The following ANO1 variants were observed in gnomAD, a reference collection of about 807,000 sequenced individuals.
ANO1 encodes the protein anoctamin-1.
ANO1 carries 59 observed loss-of-function variants against 124.0 expected under a neutral mutation model. The observed-to-expected ratio is 0.48, with a 90% CI of 0.39 to 0.59. The LOEUF (loss-of-function observed/expected upper bound fraction) is 0.59, where lower values mean the gene tolerates loss of function less well. Among genes scored for constraint, ANO1 ranks in the 20% least tolerant of loss-of-function variants. The pLI, the probability that ANO1 is intolerant of heterozygous loss-of-function variation, is 0.00. For missense variants in ANO1, 1,059 were observed against 1,328.0 expected, an observed-to-expected ratio of 0.80 and a Z score of 3.15; for synonymous variants, 529 against 532.0, an observed-to-expected ratio of 0.99 and a Z score of 0.08.
intron 10 of ANO1, chr11:70,129,625 C>G: frequency 8.9e-6 from 1 of 111,860 alleles, no homozygotes; most frequent in South Asian, 2.5e-4. Flanking sequence ...CCCCACCCCC[C>G]GCCTTTTTTT....
intron 1 of ANO1, among the ~76,000 whole-genome samples, chr11:69,999,043 A>G (rs1251091464): frequency 6.6e-6 from 1 of 152,056 alleles, no homozygotes; most frequent in Admixed American, 6.6e-5. Context: ...AAAAAAAAAA[A>G]AAAAGAGATT....
chr11:70,007,144 G>T (rs1377043315), intron 1 of ANO1, among the ~76,000 whole-genome samples: 1 of 152,018 alleles, frequency 6.6e-6, no homozygotes, highest in Non-Finnish European at 1.5e-5. Context: ...CTGAGAGTTT[G>T]GTTGTTTTAG....
chr11:69,966,846 G>A, the ANO1 span, among the ~76,000 whole-genome samples: 2 of 152,302 alleles, frequency 1.3e-5, no homozygotes, highest in African/African-American at 4.8e-5. Flanking sequence ...CCCAAGGTGG[G>A]CAGGGCCTGA....
chr11:70,099,400 A>G (rs1434819476), intron 2 of ANO1, among the ~76,000 whole-genome samples: 2 of 152,218 alleles, frequency 1.3e-5, no homozygotes, highest in African/African-American at 2.4e-5. Flanking sequence ...CAGGGAGGCC[A>G]GCAGCAGCCA....
At chr11:70,176,024 G>A (rs939753644) in intron 22 of ANO1, among the ~76,000 whole-genome samples, 6 of 152,238 alleles carry the variant, frequency 3.9e-5, no homozygotes, top group East Asian at 1.9e-4. Context: ...CAAGGTGGCC[G>A]TGGTACAGCT....
the ANO1 span, among the ~76,000 whole-genome samples, chr11:69,967,497 G>C: frequency 6.6e-6 from 1 of 152,220 alleles, no homozygotes; most frequent in African/African-American, 2.4e-5. Context: ...CATGAGCTGG[G>C]CCACCCAGAG....
intron 1 of ANO1, among the ~76,000 whole-genome samples, chr11:70,003,641 GGATGGATA>G (rs1856429297): frequency 7.4e-6 from 1 of 134,914 alleles, no homozygotes; most frequent in Non-Finnish European, 1.7e-5. Context: ...ATGGATGGAT[GGATGGATA>G]AATGGGTAGA....
upstream of ANO1, chr11:69,985,766 T>C (rs1187484191): frequency 6.6e-6 from 1 of 152,132 alleles, no homozygotes; most frequent in Non-Finnish European, 1.5e-5. Context: ...GCTGCTCCTC[T>C]GCAGCGTCCC....
chr11:70,156,252 T>G (rs2047813251), intron 15 of ANO1, among the ~76,000 whole-genome samples: 2 of 152,184 alleles, frequency 1.3e-5, no homozygotes, highest in African/African-American at 2.4e-5. Flanking sequence ...TGCCTGCAAG[T>G]GTTTCTTGGT....
intron 1 of ANO1, among the ~76,000 whole-genome samples, chr11:70,001,530 A>T (rs2015337): frequency 1.3e-5 from 2 of 151,948 alleles, no homozygotes; most frequent in Non-Finnish European, 2.9e-5. Context: ...CCCAGCAACC[A>T]CAGTGACTCT....
chr11:70,029,422 G>A (rs1377846064), intron 1 of ANO1, among the ~76,000 whole-genome samples: 1 of 152,192 alleles, frequency 6.6e-6, no homozygotes, highest in Admixed American at 6.5e-5. Flanking sequence ...ATTTGTAGGG[G>A]GTGTTTCCTG....
intron 1 of ANO1, among the ~76,000 whole-genome samples, chr11:70,060,795 C>CAGG (rs1555007648): frequency 6.6e-6 from 1 of 152,138 alleles, no homozygotes; most frequent in African/African-American, 2.4e-5. Flanking sequence ...GGCCTGGGTC[C>CAGG]TGTGTGAGGG....
chr11:70,149,383 G>A (rs2047507830), intron 11 of ANO1, among the ~76,000 whole-genome samples: 1 of 152,220 alleles, frequency 6.6e-6, no homozygotes, highest in African/African-American at 2.4e-5. Flanking sequence ...GGGCGTGGTG[G>A]CTCACGCCTG....
chr11:69,995,981 T>C (rs1305235784), intron 1 of ANO1, among the ~76,000 whole-genome samples: 1 of 152,156 alleles, frequency 6.6e-6, no homozygotes, highest in African/African-American at 2.4e-5. Flanking sequence ...CATGGTGACA[T>C]GTGCTTGTAA....
intron 5 of ANO1, among the ~76,000 whole-genome samples, chr11:70,106,394 C>T (rs534460313): frequency 6.2e-4 from 95 of 152,324 alleles, no homozygotes; most frequent in African/African-American, 2.2e-3. Flanking sequence ...GCCAAACTTT[C>T]GCTGTTATTC....
intron 1 of ANO1, among the ~76,000 whole-genome samples, chr11:70,003,004 G>A (rs915019490): frequency 6.7e-6 from 1 of 148,252 alleles, no homozygotes; most frequent in South Asian, 2.2e-4. Context: ...AAAAACTGTC[G>A]AGGAAAAATT....
At chr11:70,112,187 C>T (rs1230068960) in intron 7 of ANO1, among the ~76,000 whole-genome samples, 1 of 152,200 alleles carries the variant, frequency 6.6e-6, no homozygotes, top group Non-Finnish European at 1.5e-5. Context: ...ACTGGTATCC[C>T]TTTGACAAAT....
At chr11:70,112,553 CTTTTTTTT>C (rs11357130) in intron 7 of ANO1, among the ~76,000 whole-genome samples, 3 of 136,836 alleles carry the variant, frequency 2.2e-5, no homozygotes, top group South Asian at 2.3e-4. Context: ...CTTTTCTTTT[CTTTTTTTT>C]TTTTTTTTTG....
chr11:70,176,106 G>C (rs975736059), intron 22 of ANO1, among the ~76,000 whole-genome samples: 1 of 150,678 alleles, frequency 6.6e-6, no homozygotes, highest in African/African-American at 2.4e-5. Flanking sequence ...GTTTGGTCCA[G>C]AAAGGCGGGA....
Sources: gnomAD v4.1 joint callset for allele counts (sites outside exome capture counted in the v4.1 genomes callset) on GRCh38, gnomAD v4.1.1 for gene constraint, MANE v1.5 for transcripts, NCBI Gene and HGNC (gene_info 2026-07-23, HGNC 2026-07-21) for gene names.